Variants in NUP188 observed in about 807,000 individuals in gnomAD.
NUP188 encodes the protein nucleoporin 188, also known as nucleoporin NUP188.
A neutral mutation model predicts 223.0 loss-of-function variants in NUP188; 97 were observed. The observed-to-expected ratio is 0.43, with a 90% CI of 0.37 to 0.51. NUP188 has a LOEUF of 0.51. Ranked by LOEUF, NUP188 falls within the 20% of genes least tolerant of loss-of-function variation. NUP188 has a pLI of 0.00. For missense variants in NUP188, 1,947 were observed against 2,175.6 expected, an observed-to-expected ratio of 0.89 and a Z score of 2.09; for synonymous variants, 869 against 828.0, an observed-to-expected ratio of 1.05 and a Z score of -0.85.
intron 8 of NUP188, among the ~76,000 whole-genome samples, chr9:128,960,156 C>T (rs1326593453): frequency 2.0e-5 from 3 of 150,358 alleles, no homozygotes; most frequent in African/African-American, 2.4e-5. Context: ...CTCCACCTCC[C>T]GGGTTCACGC....
At chr9:128,991,896 T>G (rs1049451157) in intron 25 of NUP188, among the ~76,000 whole-genome samples, 1 of 148,266 alleles carries the variant, frequency 6.7e-6, no homozygotes, top group African/African-American at 2.4e-5. Flanking sequence ...TTCCTGGTAC[T>G]GTTTTTCTTT....
At chr9:128,982,812 T>A in intron 16 of NUP188, 90 bp from the exon 17 acceptor site, 1 of 1,590,478 alleles carries the variant, frequency 6.3e-7, no homozygotes, top group South Asian at 1.1e-5. Flanking sequence ...GATTGTGATT[T>A]GTCTGATTTG....
Position 129,001,947 on chromosome 9 carries a change from T to C in NUP188, c.4108T>C (p.Tyr1370His). The change falls in exon 36 of 44, where the codon TAC becomes CAC. Residue 1370 changes from tyrosine to histidine, a missense_variant. Around this residue, in one of 3 missense-constraint regions of NUP188, gnomAD observed 905 missense variants for 990.6 expected, o/e 0.91. Transcript: ENST00000372577. ...CATTTGTTTGCCCCTTCTGAGTGTG[T>C]ACCAGCTGAGCACCAACGGCACAGC... ...QSICLPLLSV[Y>H]QLSTNGTAQT... The C allele has an allele frequency of 6.2e-7, 1 of 1,614,168 alleles. No individual in the cohort carries two copies. The highest frequency in any genetic ancestry group is 8.5e-7 in the Non-Finnish European group (1 of 1,180,010).
chr9:128,966,422 G>C (rs1381667733), intron 8 of NUP188, among the ~76,000 whole-genome samples: 1 of 151,770 alleles, frequency 6.6e-6, no homozygotes, highest in East Asian at 1.9e-4. Context: ...TGTTGCCCAG[G>C]CTGGAGTTTA....
chr9:128,980,535 G>C (rs1842239724), intron 13 of NUP188, 71 bp from the exon 14 acceptor site: 2 of 1,512,180 alleles, frequency 1.3e-6, no homozygotes, highest in Admixed American at 1.9e-5. Flanking sequence ...TCTCATGATT[G>C]CTGGGAAATT....
In NUP188 at chr9:129,006,777, C is replaced by G. The variant is rs1588300492; in HGVS notation, c.*99C>G. 3 of 1,212,692 alleles carry G rather than the reference C, an allele frequency of 2.5e-6. No homozygotes were observed. The highest frequency in any genetic ancestry group is 2.5e-5 in the East Asian group (1 of 40,562). 75.1% of individuals were successfully genotyped at this position (1,212,692 alleles called of 1,614,324 possible). ...CTGCTAGGGCCTATACAATGGAGGG[C>G]ACCTCCTGTCACCCCCCTCCCGGAG... is the stretch of plus-strand genomic sequence containing the variant. On this transcript the variant is annotated 3_prime_UTR_variant, in exon 44 of 44. Coordinates refer to ENST00000372577, the MANE Select transcript of NUP188 (RefSeq NM_015354.3).
Position 129,006,908 on chromosome 9 carries a change from G to A in NUP188, c.*230G>A, listed in dbSNP as rs1185045195. On this transcript the variant is annotated 3_prime_UTR_variant, in exon 44 of 44. Coordinates refer to ENST00000372577, the MANE Select transcript of NUP188 (RefSeq NM_015354.3). ...TCTTCTGTGCTCAGGTCCTCACGCT[G>A]CAGACGCCCCCTAGAGGAACTTTCC... 1.4e-5 allele frequency: 6 copies of A among 426,588 alleles called. No homozygotes were observed. The highest frequency in any genetic ancestry group is 8.2e-5 in the African/African-American group (4 of 48,986). The allele number at this position is 426,588 out of a possible 1,614,324, so 26.4% of individuals were successfully genotyped here. A position where few individuals can be genotyped will look rare whatever the true frequency, so the allele number is the denominator to read the frequency against.
At chr9:128,983,253 T>C (rs780902185) in intron 17 of NUP188, 40 bp from the exon 18 acceptor site, 3 of 1,551,644 alleles carry the variant, frequency 1.9e-6, no homozygotes, top group East Asian at 4.5e-5. Flanking sequence ...CCAGTTGTAT[T>C]ATTTGCTTTA....
At chr9:129,005,853 C>A in intron 41 of NUP188, 77 bp downstream of exon 41, 1 of 1,521,556 alleles carries the variant, frequency 6.6e-7, no homozygotes, top group Admixed American at 2.0e-5. Context: ...TGACCTTGGG[C>A]ATGTTGGGCA....
intron 24 of NUP188, 64 bp from the exon 25 acceptor site, chr9:128,990,056 T>G: frequency 8.0e-7 from 1 of 1,252,756 alleles, no homozygotes; most frequent in South Asian, 1.2e-5. Flanking sequence ...TTTTGAACAG[T>G]CAGTGCTCTA....
At position 128,995,356 on chromosome 9, in the gene NUP188, A is replaced by C. The variant is rs753180678; in HGVS notation, c.3193A>C (p.Lys1065Gln). 13 of 1,614,042 alleles carry C rather than the reference A, an allele frequency of 8.1e-6. No individual in the cohort carries two copies. The highest frequency in any genetic ancestry group is 1.0e-5 in the Non-Finnish European group (12 of 1,179,998). The change falls in exon 30 of 44, where the codon AAA becomes CAA. Residue 1065 changes from lysine (K) to glutamine (Q), a missense_variant. Physicochemically the swap from Lys to Gln is moderately conservative, Grantham distance 53 (BLOSUM62 1). Transcript: ENST00000372577. ...CCAGTCATTAAAGGATACACTGAAG[A>C]AATTTTCCATCGAGAAACGCTTTGC... ...LDQSLKDTLK[K>Q]FSIEKRFAYW...
chr9:128,981,112 A>C, intron 14 of NUP188, 152 bp from the exon 15 acceptor site: 1 of 854,796 alleles, frequency 1.2e-6, no homozygotes, highest in East Asian at 2.5e-5. Context: ...AGCCCAGTGA[A>C]GATTTGGCGA....
intron 6 of NUP188, 91 bp downstream of exon 6, chr9:128,958,145 C>T: frequency 1.0e-6 from 1 of 995,066 alleles, no homozygotes; most frequent in South Asian, 1.4e-5. Flanking sequence ...GCTTTTGACT[C>T]TTTGTTGGGT....
intron 36 of NUP188, among the ~76,000 whole-genome samples, 200 bp from the exon 37 acceptor site, chr9:129,002,617 G>C (rs1373706788): frequency 2.0e-5 from 3 of 152,216 alleles, no homozygotes; most frequent in Non-Finnish European, 4.4e-5. Flanking sequence ...TGGAACCCTG[G>C]GTCTTGTGTC....
chr9:129,006,848 G>T lies in NUP188; in HGVS notation c.*170G>T, dbSNP rs978416454. On this transcript the variant is annotated 3_prime_UTR_variant, in exon 44 of 44. Transcript: ENST00000372577. ...ACCCACTGACGTTATTTTTATACTA[G>T]ATGAAGAGGTCAACAGCAGGCATGG... The T allele has an allele frequency of 8.1e-6, 5 of 619,242 alleles. No individual in the cohort carries two copies. In the African/African-American group the frequency reaches 9.4e-5, roughly 12 times the overall value. The allele number at this position is 619,242 out of a possible 1,614,324, so 38.4% of individuals were successfully genotyped here.
In NUP188 at chr9:129,001,952, G is replaced by T. The variant is rs1842679223; in HGVS notation, c.4113G>T (p.Gln1371His). ...SICLPLLSVY[Q>H]LSTNGTAQTP... ...GTTTGCCCCTTCTGAGTGTGTACCA[G>T]CTGAGCACCAACGGCACAGCACAGG... The change falls in exon 36 of 44, where the codon CAG becomes CAT. Residue 1371 changes from glutamine to histidine, a missense_variant. By Grantham distance (24) the Gln-to-His change is conservative (BLOSUM62 0). Transcript: ENST00000372577. 1.2e-6 allele frequency: 2 copies of T among 1,614,172 alleles called. No homozygotes were observed. The highest frequency in any genetic ancestry group is 1.7e-6 in the Non-Finnish European group (2 of 1,180,012).
intron 22 of NUP188, among the ~76,000 whole-genome samples, chr9:128,987,100 T>TGTGA (rs1842347129): frequency 6.7e-6 from 1 of 148,540 alleles, no homozygotes; most frequent in East Asian, 2.1e-4. Flanking sequence ...TGTGTGTGTG[T>TGTGA]GTGTGTGTGT....
chr9:128,984,124 AT>A (rs1193631566), intron 19 of NUP188, among the ~76,000 whole-genome samples: 2,972 of 93,016 alleles, frequency 0.032, 279 homozygotes, highest in African/African-American at 0.15. Context: ...GCCTGGCCTG[AT>A]TTTTTTTTTT....
At chr9:128,994,123 A>G (rs1406825882) in intron 27 of NUP188, among the ~76,000 whole-genome samples, 1 of 152,196 alleles carries the variant, frequency 6.6e-6, no homozygotes, top group Non-Finnish European at 1.5e-5. Flanking sequence ...GCTTTTGGGA[A>G]TCTACAGTGG....
Sources: allele counts gnomAD v4.1 joint callset (sites outside exome capture counted in the v4.1 genomes callset), GRCh38; gene constraint gnomAD v4.1.1; regional missense constraint gnomAD v4.1.1; transcripts MANE v1.5; gene names NCBI Gene and HGNC (gene_info 2026-07-23, HGNC 2026-07-21).